MITF: variants seen among roughly 807,000 people sequenced by gnomAD.
The protein encoded by MITF is microphthalmia-associated transcription factor.
MITF carries 17 observed loss-of-function variants against 60.5 expected under a neutral mutation model. The ratio of observed to expected loss-of-function variants is 0.28; its 90% CI spans 0.19 to 0.42. MITF has a LOEUF of 0.42. MITF is among the 10% of genes least tolerant of loss of function. MITF has a pLI of 1.00. For missense variants in MITF, 622 were observed against 683.5 expected (o/e 0.91, Z 1.00); for synonymous variants, 260 against 248.5 (o/e 1.05, Z -0.43).
chr3:69,882,949 G>A (rs1185026762), intron 2 of MITF, among the ~76,000 whole-genome samples: 1 of 152,104 alleles, frequency 6.6e-6, no homozygotes, highest in Admixed American at 6.6e-5. Context: ...ATGTTTCTCT[G>A]TTCAGAAATC....
intron 1 of MITF, among the ~76,000 whole-genome samples, chr3:69,766,549 C>T (rs1456468862): frequency 6.6e-6 from 1 of 151,792 alleles, no homozygotes; most frequent in African/African-American, 2.4e-5. Context: ...TGTCTTATCC[C>T]AGTAAATACC....
intron 1 of MITF, among the ~76,000 whole-genome samples, chr3:69,749,178 GC>G (rs1303662598): frequency 6.6e-6 from 1 of 152,178 alleles, no homozygotes; most frequent in African/African-American, 2.4e-5. Flanking sequence ...TTGAGATGTA[GC>G]CACACTGTAC....
intron 1 of MITF, among the ~76,000 whole-genome samples, chr3:69,766,860 C>A (rs2062304860): frequency 6.6e-6 from 1 of 152,150 alleles, no homozygotes; most frequent in Admixed American, 6.5e-5. Context: ...CCATGACTCA[C>A]CGTAGATACA....
At chr3:69,866,205 C>T in intron 1 of MITF, 1 of 1,589,148 alleles carries the variant, frequency 6.3e-7, no homozygotes, top group South Asian at 1.2e-5. Context: ...TATCAGGAGC[C>T]ACCCCTAGTG....
At chr3:69,955,055 A>G (rs183191900) in intron 7 of MITF, among the ~76,000 whole-genome samples, 8 of 152,360 alleles carry the variant, frequency 5.3e-5, no homozygotes, top group African/African-American at 1.9e-4. Flanking sequence ...CTCCCCTAAG[A>G]ACATGATAGT....
At chr3:69,834,255 A>C (rs1428443491) in intron 1 of MITF, among the ~76,000 whole-genome samples, 1 of 152,186 alleles carries the variant, frequency 6.6e-6, no homozygotes, top group African/African-American at 2.4e-5. Flanking sequence ...GAACACCAGA[A>C]GTTATTCCTC....
chr3:69,765,719 A>G (rs1414806373), intron 1 of MITF, among the ~76,000 whole-genome samples: 1 of 152,240 alleles, frequency 6.6e-6, no homozygotes, highest in Non-Finnish European at 1.5e-5. Context: ...TTAGGAATAC[A>G]AATATGATTC....
At chr3:69,755,442 T>G (rs1168306113) in intron 1 of MITF, among the ~76,000 whole-genome samples, 799 of 50,004 alleles carry the variant, frequency 0.016, 9 homozygotes, top group South Asian at 0.028. Flanking sequence ...GGTTTTTTTT[T>G]TTTTTTTTTT....
At position 69,965,102 on chromosome 3, in the gene MITF, T is replaced by A; in HGVS notation, c.1435T>A (p.Ser479Thr). 1 of 1,613,994 alleles carries A rather than the reference T, an allele frequency of 6.2e-7. No individual in the cohort carries two copies. The highest frequency in any genetic ancestry group is 8.5e-7 in the Non-Finnish European group (1 of 1,179,992). Residue 479 changes from serine (S) to threonine (T), a missense_variant, in exon 10 of 10, where the codon TCC becomes ACC. By Grantham distance (58) the Ser-to-Thr change is moderately conservative. Coordinates refer to ENST00000352241, the MANE Select transcript of MITF (RefSeq NM_001354604.2). Reference protein sequence around the residue: ...QAYSVPTKMGSKLEDILMDDT... With the variant: ...QAYSVPTKMGTKLEDILMDDT... Reference sequence around the variant, plus strand: ...CTATAGTGTCCCCACAAAAATGGGATCCAAACTGGAAGACATCCTGATGGA... The same window carrying A: ...CTATAGTGTCCCCACAAAAATGGGAACCAAACTGGAAGACATCCTGATGGA...
chr3:69,864,439 G>A (rs116556394), intron 1 of MITF, among the ~76,000 whole-genome samples: 279 of 152,210 alleles, frequency 1.8e-3, no homozygotes, highest in African/African-American at 6.3e-3. Context: ...TCCTCTAATC[G>A]TATTTATTGG....
chr3:69,835,729 G>T (rs1023114091), intron 1 of MITF, among the ~76,000 whole-genome samples: 6 of 152,140 alleles, frequency 3.9e-5, no homozygotes, highest in Non-Finnish European at 7.4e-5. Flanking sequence ...GTATTAAGGA[G>T]ACTGTCCTTT....
chr3:69,835,971 CAT>C (rs2063534307), intron 1 of MITF, among the ~76,000 whole-genome samples: 1 of 151,950 alleles, frequency 6.6e-6, no homozygotes, highest in African/African-American at 2.4e-5. Flanking sequence ...TTTGTGATCT[CAT>C]ATGAATTTTA....
chr3:69,948,370 C>T (rs184627450), intron 5 of MITF, among the ~76,000 whole-genome samples: 3 of 151,970 alleles, frequency 2.0e-5, no homozygotes, highest in Admixed American at 2.0e-4. Context: ...AACTCTGACG[C>T]TAGCTTGGGG....
At chr3:69,849,114 G>A (rs188501832) in intron 1 of MITF, among the ~76,000 whole-genome samples, 48 of 151,044 alleles carry the variant, frequency 3.2e-4, no homozygotes, top group Admixed American at 1.1e-3. Flanking sequence ...ACAGGCGCCC[G>A]CCACTACGCC....
intron 2 of MITF, among the ~76,000 whole-genome samples, chr3:69,883,482 G>A (rs191941819): frequency 9.2e-5 from 14 of 152,248 alleles, no homozygotes; most frequent in Admixed American, 6.5e-4. Context: ...GTCTTTCTCT[G>A]TAAATTATGA....
intron 1 of MITF, among the ~76,000 whole-genome samples, chr3:69,864,331 G>T (rs1247098253): frequency 6.6e-6 from 1 of 152,214 alleles, no homozygotes; most frequent in Non-Finnish European, 1.5e-5. Flanking sequence ...AGGTTAGTAA[G>T]ATAAATAGTG....
chr3:69,862,629 T>C (rs2064037003), intron 1 of MITF, among the ~76,000 whole-genome samples: 1 of 152,220 alleles, frequency 6.6e-6, no homozygotes, highest in South Asian at 2.1e-4. Flanking sequence ...CCCTTATCTC[T>C]TTTCTAACCT....
Position 69,845,078 on chromosome 3 carries a change from A to G in MITF, c.105-34056A>G, listed in dbSNP as rs2063706798. Among the ~76,000 whole-genome samples, 2 of 152,176 alleles carry G rather than the reference A, an allele frequency of 1.3e-5. 1 individual carries two copies. Among genetic ancestry groups the G allele is most frequent in the Non-Finnish European group, 2.9e-5 (2 of 68,026 alleles). ...AGAAAACGTGCAGGCTTTTATTTGC[A>G]TTTGTGTACTAATCTTATTCCTGAA... On this transcript the variant is annotated intron_variant, in intron 1 of 9. Transcript: ENST00000352241.
chr3:69,830,709 G>A (rs991209322), intron 1 of MITF, among the ~76,000 whole-genome samples: 1 of 151,922 alleles, frequency 6.6e-6, no homozygotes, highest in Non-Finnish European at 1.5e-5. Flanking sequence ...ATGAAAAGGG[G>A]GTTCAATAAA....
Sources: allele counts gnomAD v4.1 joint callset (sites outside exome capture counted in the v4.1 genomes callset), GRCh38; gene constraint gnomAD v4.1.1; transcripts MANE v1.5; gene names NCBI Gene and HGNC (gene_info 2026-07-23, HGNC 2026-07-21).